Variants in KIAA1217 observed in about 807,000 individuals in gnomAD.
KIAA1217 encodes sickle tail protein homolog.
In KIAA1217, 88 loss-of-function variants were observed where a neutral mutation model predicts 163.9. The observed-to-expected ratio is 0.54, with a 90% CI of 0.45 to 0.64. The LOEUF is 0.64. KIAA1217 is among the 30% of genes least tolerant of loss of function. KIAA1217 has a pLI of 0.00. For missense variants in KIAA1217, 2,372 were observed against 2,475.0 expected, an observed-to-expected ratio of 0.96 and a Z score of 0.88; for synonymous variants, 903 against 923.1, an observed-to-expected ratio of 0.98 and a Z score of 0.39.
chr10:24,254,274 G>A lies in KIAA1217; in HGVS notation c.354+34365G>A, dbSNP rs138213157. Among the ~76,000 whole-genome samples, 369 of 152,292 alleles carry A rather than the reference G, an allele frequency of 2.4e-3. 2 individuals carry two copies. The highest frequency in any genetic ancestry group is 8.6e-3 in the African/African-American group (356 of 41,576). ...GGCATTGTTCAACTTGGGGTCATTT[G>A]TGAAAATGATGGGAATGCAACTTCC... On this transcript the variant is annotated intron_variant, in intron 2 of 20. Coordinates refer to ENST00000376454, the MANE Select transcript of KIAA1217 (RefSeq NM_019590.5).
At chr10:24,537,575 C>CT (rs2074221158) in intron 17 of KIAA1217, among the ~76,000 whole-genome samples, 1 of 133,906 alleles carries the variant, frequency 7.5e-6, no homozygotes. Context: ...AAAACTCTGT[C>CT]TCAAAAAAAA....
chr10:24,401,882 T>C (rs1156755820), intron 3 of KIAA1217, among the ~76,000 whole-genome samples: 1 of 152,164 alleles, frequency 6.6e-6, no homozygotes, highest in East Asian at 1.9e-4. Context: ...ACATACAAAA[T>C]CTATTGCATT....
intron 2 of KIAA1217, among the ~76,000 whole-genome samples, chr10:24,145,399 T>C (rs2064262258): frequency 6.6e-6 from 1 of 152,248 alleles, no homozygotes; most frequent in Non-Finnish European, 1.5e-5. Context: ...TGTACACACC[T>C]GTGCATATGG....
At chr10:24,280,564 C>T (rs2077794406) in intron 2 of KIAA1217, among the ~76,000 whole-genome samples, 2 of 152,150 alleles carry the variant, frequency 1.3e-5, no homozygotes, top group African/African-American at 4.8e-5. Context: ...GTAATCCCAG[C>T]ACTTTGGGAG....
intron 3 of KIAA1217, among the ~76,000 whole-genome samples, chr10:24,385,607 T>C (rs919000322): frequency 3.3e-5 from 5 of 152,188 alleles, no homozygotes; most frequent in Non-Finnish European, 7.3e-5. Flanking sequence ...AGCACTGACT[T>C]ATCCCAACGC....
intron 2 of KIAA1217, among the ~76,000 whole-genome samples, chr10:24,359,360 C>T (rs1425290254): frequency 9.9e-5 from 15 of 151,928 alleles, no homozygotes; most frequent in Non-Finnish European, 1.9e-4. Flanking sequence ...CCCAAAGTGT[C>T]GGGATTACAG....
chr10:23,994,880 T>C (rs535103965), intron 1 of KIAA1217, among the ~76,000 whole-genome samples: 1 of 152,348 alleles, frequency 6.6e-6, no homozygotes, highest in South Asian at 2.1e-4. Flanking sequence ...GCTGGGAGCA[T>C]GTCATCATTT....
chr10:24,428,725 TA>T (rs35677878), intron 3 of KIAA1217, among the ~76,000 whole-genome samples: 11,683 of 144,456 alleles, frequency 0.081, 481 homozygotes, highest in East Asian at 0.14. Context: ...ACAACAAACT[TA>T]AAAAAAAAAA....
At chr10:24,458,635 T>C (rs2062042627) in intron 5 of KIAA1217, among the ~76,000 whole-genome samples, 1 of 152,208 alleles carries the variant, frequency 6.6e-6, no homozygotes, top group South Asian at 2.1e-4. Flanking sequence ...TTGAAGTCTC[T>C]GAGCCCCAGT....
intron 2 of KIAA1217, among the ~76,000 whole-genome samples, chr10:24,059,298 G>C (rs1026716541): frequency 2.0e-5 from 3 of 151,858 alleles, no homozygotes; most frequent in African/African-American, 7.3e-5. Context: ...GTCGGGGGTT[G>C]TTTTATCTAT....
chr10:24,192,245 C>T (rs867912195), intron 2 of KIAA1217, among the ~76,000 whole-genome samples: 2 of 152,132 alleles, frequency 1.3e-5, no homozygotes, highest in African/African-American at 4.8e-5. Context: ...AGGGACTCAG[C>T]GATGATTCTT....
intron 2 of KIAA1217, among the ~76,000 whole-genome samples, chr10:24,291,424 G>T (rs374136240): frequency 2.0e-5 from 3 of 152,260 alleles, no homozygotes; most frequent in African/African-American, 2.4e-5. Flanking sequence ...CAGCTATTAG[G>T]GTGGCTGAAG....
At chr10:23,801,681 GCA>G (rs1029633910) in intron 1 of KIAA1217, among the ~76,000 whole-genome samples, 43 of 152,118 alleles carry the variant, frequency 2.8e-4, no homozygotes, top group African/African-American at 1.0e-3. Context: ...CGTTTACTCT[GCA>G]CAGACACCCC....
At chr10:23,722,180 TG>T (rs997154507) in intron 1 of KIAA1217, among the ~76,000 whole-genome samples, 1 of 152,106 alleles carries the variant, frequency 6.6e-6, no homozygotes, top group Admixed American at 6.6e-5. Flanking sequence ...TCCCTGAGGC[TG>T]GGGGAAGGGG....
chr10:24,369,480 G>A (rs1310721542), intron 2 of KIAA1217, among the ~76,000 whole-genome samples: 1 of 152,068 alleles, frequency 6.6e-6, no homozygotes, highest in Non-Finnish European at 1.5e-5. Flanking sequence ...CCCTCACTGA[G>A]GGTGAGGGCC....
At chr10:24,503,397 G>A (rs1430975185) in intron 9 of KIAA1217, among the ~76,000 whole-genome samples, 3 of 152,304 alleles carry the variant, frequency 2.0e-5, no homozygotes, top group South Asian at 2.1e-4. Flanking sequence ...GCTTCCTCTC[G>A]CTTTGCAATT....
chr10:24,276,283 G>A (rs192034175), intron 2 of KIAA1217, among the ~76,000 whole-genome samples: 36 of 152,240 alleles, frequency 2.4e-4, no homozygotes, highest in Non-Finnish European at 2.8e-4. Flanking sequence ...GATTTATAAG[G>A]CATTTCAGTT....
intron 1 of KIAA1217, among the ~76,000 whole-genome samples, chr10:23,904,829 A>G (rs1842086488): frequency 6.6e-6 from 1 of 152,108 alleles, no homozygotes; most frequent in African/African-American, 2.4e-5. Flanking sequence ...AAAGAGCTCT[A>G]TGAGGGTCAA....
At position 24,462,569 on chromosome 10, in the gene KIAA1217, A is replaced by G. The variant is rs181280018; in HGVS notation, c.847-10659A>G. 1.8e-4 allele frequency among the ~76,000 whole-genome samples: 27 copies of G among 152,314 alleles called. 1 individual carries two copies. In the East Asian group the frequency reaches 5.2e-3, roughly 29 times the overall value. ...CTTAGCAGCTATGGGAAGCTGGGTG[A>G]GGTTCTTAACTCCCTGCACTTCTGT... On this transcript the variant is annotated intron_variant, in intron 5 of 20. Coordinates refer to ENST00000376454, the MANE Select transcript of KIAA1217 (RefSeq NM_019590.5).
Sources: gnomAD v4.1 joint callset for allele counts (sites outside exome capture counted in the v4.1 genomes callset) on GRCh38, gnomAD v4.1.1 for gene constraint, MANE v1.5 for transcripts, NCBI Gene and HGNC (gene_info 2026-07-23, HGNC 2026-07-21) for gene names.